The following CAPZB variants were observed in gnomAD, a reference collection of about 807,000 sequenced individuals.
CAPZB encodes capping actin protein of muscle Z-line subunit beta.
A neutral mutation model predicts 38.1 loss-of-function variants in CAPZB; 2 were observed. The ratio of observed to expected loss-of-function variants is 0.05; its 90% CI spans 0.02 to 0.17. CAPZB has a LOEUF of 0.17. Ranked by LOEUF, CAPZB falls within the 10% of genes least tolerant of loss-of-function variation. The pLI is 1.00. For missense variants in CAPZB, 161 were observed against 334.2 expected, an observed-to-expected ratio of 0.48 and a Z score of 4.04; for synonymous variants, 107 against 127.4, an observed-to-expected ratio of 0.84 and a Z score of 1.08.
intron 2 of CAPZB, among the ~76,000 whole-genome samples, chr1:19,391,429 T>C (rs931526262): frequency 1.3e-5 from 2 of 151,948 alleles, no homozygotes; most frequent in Non-Finnish European, 2.9e-5. Flanking sequence ...ACCAGCAAGA[T>C]AGGAATCAAA....
intron 2 of CAPZB, among the ~76,000 whole-genome samples, chr1:19,400,888 C>T (rs1033493086): frequency 6.6e-6 from 1 of 152,202 alleles, no homozygotes; most frequent in Non-Finnish European, 1.5e-5. Flanking sequence ...AGCCTCCTAC[C>T]ACCTTGCCCC....
At chr1:19,485,266 G>T (rs1173294039) in intron 1 of CAPZB, among the ~76,000 whole-genome samples, 170 bp downstream of exon 1, 1 of 152,016 alleles carries the variant, frequency 6.6e-6, no homozygotes, top group Admixed American at 6.5e-5. Context: ...AGTCGTCCGC[G>T]CCGGCGGCAC....
At chr1:19,484,314 T>A (rs1331051639) in intron 1 of CAPZB, 6 of 1,595,624 alleles carry the variant, frequency 3.8e-6, no homozygotes, top group East Asian at 4.6e-5. Flanking sequence ...CAGGGCCTGG[T>A]GGCCCCCCAA....
chr1:19,365,360 A>G (rs2094077795), intron 4 of CAPZB, among the ~76,000 whole-genome samples: 1 of 152,226 alleles, frequency 6.6e-6, no homozygotes, highest in Non-Finnish European at 1.5e-5. Context: ...CTTTATGCAC[A>G]GGAATATACG....
Position 19,484,969 on chromosome 1 carries a change from G to A in CAPZB, c.3+467C>T, listed in dbSNP as rs373025262. Among the ~76,000 whole-genome samples, 8 of 152,330 alleles carry A rather than the reference G, an allele frequency of 5.3e-5. No individual in the cohort carries two copies. In the East Asian group the frequency reaches 1.2e-3, roughly 22 times the overall value. On this transcript the variant is annotated intron_variant, in intron 1 of 8. Coordinates refer to ENST00000264202, the MANE Select transcript of CAPZB (RefSeq NM_004930.5). ...GCCTGAGGCCATGGAGAAGGCAAAG[G>A]GGGAGGGACAGAGGGAGGCAGCGGC...
intron 2 of CAPZB, among the ~76,000 whole-genome samples, chr1:19,397,388 GA>G (rs2094277205): frequency 6.6e-6 from 1 of 152,116 alleles, no homozygotes; most frequent in East Asian, 1.9e-4. Flanking sequence ...GTTTACAGGT[GA>G]AAAAAAGAGG....
At chr1:19,462,793 G>C (rs937399073) in intron 1 of CAPZB, among the ~76,000 whole-genome samples, 29 of 152,290 alleles carry the variant, frequency 1.9e-4, no homozygotes, top group African/African-American at 6.7e-4. Flanking sequence ...CGCACTGTTC[G>C]CTAAGGCAGC....
At chr1:19,351,894 G>A (rs1298273400) in intron 6 of CAPZB, among the ~76,000 whole-genome samples, 1 of 152,198 alleles carries the variant, frequency 6.6e-6, no homozygotes, top group Non-Finnish European at 1.5e-5. Context: ...AGCACGGGAT[G>A]GTTGTGGGGA....
chr1:19,372,157 A>C (rs2094122689), intron 4 of CAPZB, among the ~76,000 whole-genome samples: 1 of 152,238 alleles, frequency 6.6e-6, no homozygotes, highest in African/African-American at 2.4e-5. Context: ...GCAAGGAAGA[A>C]CACAAAATAC....
chr1:19,346,987 CTTTT>C (rs1328235103), intron 6 of CAPZB, among the ~76,000 whole-genome samples: 2 of 149,278 alleles, frequency 1.3e-5, no homozygotes, highest in South Asian at 2.1e-4. Flanking sequence ...CCACGTCCGG[CTTTT>C]TTTTATTTTT....
At chr1:19,470,991 G>C (rs966990645) in intron 1 of CAPZB, among the ~76,000 whole-genome samples, 1 of 152,106 alleles carries the variant, frequency 6.6e-6, no homozygotes, top group African/African-American at 2.4e-5. Context: ...TTTATCCTCG[G>C]GGGATACCTT....
In CAPZB at chr1:19,443,992, T is replaced by C. The variant is rs188727459; in HGVS notation, c.4-24242A>G. ...CTCTATTCAGGTGAAACCCTGTCTC[T>C]ACTAAAAATACAAAAATTAGCCGGG... On this transcript the variant is annotated intron_variant, in intron 1 of 8. Coordinates refer to ENST00000264202, the MANE Select transcript of CAPZB (RefSeq NM_004930.5). Among the ~76,000 whole-genome samples, 332 of 152,294 alleles carry C rather than the reference T, an allele frequency of 2.2e-3. 2 individuals carry two copies. In the South Asian group the frequency reaches 0.024, roughly 11 times the overall value.
chr1:19,350,367 G>GGCAGCTCTCACC (rs2093985166), intron 6 of CAPZB, among the ~76,000 whole-genome samples: 1 of 152,242 alleles, frequency 6.6e-6, no homozygotes, highest in Non-Finnish European at 1.5e-5. Flanking sequence ...TTGCCAGAAT[G>GGCAGCTCTCACC]GCAGCTCTCA....
intron 4 of CAPZB, among the ~76,000 whole-genome samples, chr1:19,359,769 A>G (rs1162190266): frequency 2.6e-5 from 4 of 152,192 alleles, no homozygotes; most frequent in African/African-American, 9.7e-5. Context: ...TACGAGAGGA[A>G]AAGGACCACT....
intron 1 of CAPZB, among the ~76,000 whole-genome samples, chr1:19,435,136 C>G (rs2094454366): frequency 1.3e-5 from 2 of 152,096 alleles, no homozygotes; most frequent in South Asian, 4.2e-4. Flanking sequence ...CAGTCAAGGC[C>G]GCTCCTTTTT....
At chr1:19,418,920 A>G (rs1397021759) in intron 2 of CAPZB, among the ~76,000 whole-genome samples, 1 of 152,266 alleles carries the variant, frequency 6.6e-6, no homozygotes, top group Non-Finnish European at 1.5e-5. Context: ...GAAAAAACAG[A>G]GGACCAGACT....
chr1:19,388,214 T>TTCC (rs1431854431), intron 2 of CAPZB, among the ~76,000 whole-genome samples: 7 of 152,234 alleles, frequency 4.6e-5, no homozygotes, highest in Non-Finnish European at 1.0e-4. Context: ...GAGTAATCTC[T>TTCC]TCCTAGCACT....
chr1:19,343,685 C>CA (rs2093945070), intron 8 of CAPZB, among the ~76,000 whole-genome samples: 1 of 152,252 alleles, frequency 6.6e-6, no homozygotes, highest in Admixed American at 6.5e-5. Context: ...GGCCTCATGT[C>CA]AGAGGCCTGC....
chr1:19,429,694 C>T (rs1321982174), intron 1 of CAPZB, among the ~76,000 whole-genome samples: 1 of 152,166 alleles, frequency 6.6e-6, no homozygotes, highest in African/African-American at 2.4e-5. Context: ...TTTTTAGGTG[C>T]TAGAGGGTCC....
Sources: gnomAD v4.1 joint callset for allele counts (sites outside exome capture counted in the v4.1 genomes callset) on GRCh38, gnomAD v4.1.1 for gene constraint, MANE v1.5 for transcripts, NCBI Gene and HGNC (gene_info 2026-07-23, HGNC 2026-07-21) for gene names.